ADGRL2: variants seen among roughly 807,000 people sequenced by gnomAD.
ADGRL2 encodes the protein calcium-independent alpha-latrotoxin receptor 2.
A neutral mutation model predicts 157.4 loss-of-function variants in ADGRL2; 44 were observed. That is an observed-to-expected ratio of 0.28 (90% CI 0.22 to 0.36). The LOEUF is 0.36. Ranked by LOEUF, ADGRL2 falls within the 10% of genes least tolerant of loss-of-function variation. ADGRL2 has a pLI of 1.00. For synonymous variants in ADGRL2, 585 were observed against 624.7 expected (o/e 0.94, Z 0.95); for missense variants, 1,510 against 1,768.9 (o/e 0.85, Z 2.63).
chr1:81,587,252 AG>A, intron 3 of ADGRL2, among the ~76,000 whole-genome samples: 1 of 152,276 alleles, frequency 6.6e-6, no homozygotes, highest in East Asian at 1.9e-4. Flanking sequence ...ACAATAACAA[AG>A]AATATGACAA....
intron 1 of ADGRL2, among the ~76,000 whole-genome samples, chr1:81,389,139 C>T (rs1233055319): frequency 6.6e-6 from 1 of 152,032 alleles, no homozygotes; most frequent in African/African-American, 2.4e-5. Context: ...CTTAAGAAAA[C>T]GTTTTTAATA....
intron 1 of ADGRL2, among the ~76,000 whole-genome samples, chr1:81,335,842 A>AAAAAAAC (rs1256049820): frequency 6.6e-6 from 1 of 151,988 alleles, no homozygotes; most frequent in East Asian, 1.9e-4. Context: ...TTTAAAAAAA[A>AAAAAAAC]AAAAAACAAA....
intron 2 of ADGRL2, among the ~76,000 whole-genome samples, chr1:81,476,051 T>C (rs572594625): frequency 2.6e-5 from 4 of 152,070 alleles, no homozygotes; most frequent in Admixed American, 6.6e-5. Context: ...TACGTCAACA[T>C]TGAGGAACCT....
intron 1 of ADGRL2, among the ~76,000 whole-genome samples, chr1:81,818,309 G>C (rs2149797441): frequency 6.6e-6 from 1 of 152,236 alleles, no homozygotes; most frequent in Admixed American, 6.5e-5. Context: ...TTTTTTTACA[G>C]ATAAGGTCTT....
intron 1 of ADGRL2, among the ~76,000 whole-genome samples, chr1:81,369,733 G>C (rs1487228927): frequency 6.6e-6 from 1 of 152,040 alleles, no homozygotes. Context: ...GTTCAGAAAA[G>C]CCACGGCAGA....
chr1:81,617,003 G>A lies in ADGRL2; in HGVS notation c.-143+36023G>A, dbSNP rs79766971. On this transcript the variant is annotated intron_variant, in intron 3 of 24. Coordinates refer to the ADGRL2 transcript ENST00000370721. ...GAGTTCTAGTTTTTATAGAGGTAAG[G>A]CATTCACTTCCATGGGCAAGTTCAT... 7.9e-5 allele frequency among the ~76,000 whole-genome samples: 12 copies of A among 152,284 alleles called. No individual in the cohort carries two copies. The East Asian group carries it at 1.9e-3, about 24-fold the overall frequency.
chr1:81,595,453 T>A (rs761842846), intron 3 of ADGRL2, among the ~76,000 whole-genome samples: 4 of 152,208 alleles, frequency 2.6e-5, no homozygotes, highest in Admixed American at 2.0e-4. Flanking sequence ...TTCTGTGCAG[T>A]GGCATTCCTA....
rs117426512 is a variant in ADGRL2, at chr1:81,964,249, A to T, written c.2018-1809A>T. ...TGCAATTAACTCTTTGTACATGTAT[A>T]TCTATGTTTGGGATGATTCATGAAA... On this transcript the variant is annotated intron_variant, in intron 11 of 23. Transcript: ENST00000686636. Among the ~76,000 whole-genome samples the T allele has an allele frequency of 3.4e-4, 52 of 152,188 alleles. No homozygotes were observed. The East Asian group carries it at 0.01, about 29-fold the overall frequency.
intron 2 of ADGRL2, among the ~76,000 whole-genome samples, chr1:81,526,781 A>G (rs909958131): frequency 4.6e-5 from 7 of 152,212 alleles, no homozygotes; most frequent in Non-Finnish European, 1.0e-4. Context: ...TCGAATATAC[A>G]CATTCTCCAT....
chr1:81,380,060 C>T (rs1479968585), intron 1 of ADGRL2, among the ~76,000 whole-genome samples: 1 of 152,202 alleles, frequency 6.6e-6, no homozygotes, highest in African/African-American at 2.4e-5. Flanking sequence ...ATTCATCTCT[C>T]GCTTTCCCTA....
Position 81,942,192 on chromosome 1 carries a change from A to G in ADGRL2, c.409+147A>G, listed in dbSNP as rs1011380715. On this transcript the variant is annotated intron_variant, in intron 5 of 23. Coordinates refer to ENST00000686636, the MANE Select transcript of ADGRL2 (RefSeq NM_001366006.2). ...CACCTCATAAGGAAGTCAACTGTTT[A>G]CAATGAAATTGTATGACTGCTAAAC... 1.1e-5 allele frequency: 5 copies of G among 451,064 alleles called. No individual in the cohort carries two copies. The Admixed American group carries it at 2.1e-4, about 19-fold the overall frequency. 27.9% of individuals were successfully genotyped at this position (451,064 alleles called of 1,614,324 possible). A position where few individuals can be genotyped will look rare whatever the true frequency, so the allele number is the denominator to read the frequency against.
intron 1 of ADGRL2, among the ~76,000 whole-genome samples, chr1:81,322,994 A>G (rs1345976458): frequency 6.6e-6 from 1 of 151,710 alleles, no homozygotes; most frequent in African/African-American, 2.4e-5. Context: ...AATAGTTGGG[A>G]CTACATGTGT....
chr1:81,740,852 C>A (rs961937393), intron 1 of ADGRL2, among the ~76,000 whole-genome samples: 1 of 151,898 alleles, frequency 6.6e-6, no homozygotes, highest in Admixed American at 6.6e-5. Context: ...GAGATTCAGA[C>A]CTCAAAGAAA....
chr1:81,474,672 T>A (rs2078237003), intron 2 of ADGRL2, among the ~76,000 whole-genome samples: 1 of 152,204 alleles, frequency 6.6e-6, no homozygotes, highest in South Asian at 2.1e-4. Context: ...TATCAAGAAC[T>A]CTTTTACATT....
intron 3 of ADGRL2, among the ~76,000 whole-genome samples, chr1:81,911,725 G>A (rs1318314703): frequency 1.3e-5 from 2 of 152,126 alleles, no homozygotes. Flanking sequence ...CTTTTGCAAA[G>A]CAATTCGTAG....
rs3046312 is a variant in ADGRL2, at chr1:81,824,948, CCTCTCTCTCT to C, written c.-100-11912_-100-11903del. Reference sequence around the variant, plus strand: ...GTTTCCAGTTTTGCTTTTTAATTCTCCTCTCTCTCTCTCTCTCTCTCTCTCTCTCTCTCTG... The same window carrying C: ...GTTTCCAGTTTTGCTTTTTAATTCTCCTCTCTCTCTCTCTCTCTCTCTCTG... On this transcript the variant is annotated intron_variant, in intron 1 of 23. Transcript: ENST00000686636. Among the ~76,000 whole-genome samples, 201 of 127,976 alleles carry C rather than the reference CCTCTCTCTCT, an allele frequency of 1.6e-3. 2 individuals are homozygous for C. Among genetic ancestry groups the C allele is most frequent in the Non-Finnish European group, 2.6e-3 (156 of 60,896 alleles). 84.0% of individuals were successfully genotyped at this position (127,976 alleles called of 152,430 possible).
intron 3 of ADGRL2, among the ~76,000 whole-genome samples, chr1:81,684,943 TGTAA>T (rs1410057398): frequency 6.6e-6 from 1 of 152,194 alleles, no homozygotes; most frequent in Non-Finnish European, 1.5e-5. Context: ...ATCAGTTGGC[TGTAA>T]GTATTTGGGT....
At chr1:81,623,757 C>T (rs563454812) in intron 3 of ADGRL2, among the ~76,000 whole-genome samples, 3 of 151,756 alleles carry the variant, frequency 2.0e-5, no homozygotes, top group African/African-American at 7.3e-5. Context: ...CTGCCCCAGC[C>T]TCCTGAGTAG....
At chr1:81,320,610 T>C (rs1334953850) in intron 1 of ADGRL2, among the ~76,000 whole-genome samples, 1 of 152,238 alleles carries the variant, frequency 6.6e-6, no homozygotes, top group Non-Finnish European at 1.5e-5. Flanking sequence ...ATCAGAGCTC[T>C]CAGCTGACCA....
Sources: allele counts gnomAD v4.1 joint callset (sites outside exome capture counted in the v4.1 genomes callset), GRCh38; gene constraint gnomAD v4.1.1; transcripts MANE v1.5; gene names NCBI Gene and HGNC (gene_info 2026-07-23, HGNC 2026-07-21).